The following AGTR1 variants were observed in gnomAD, a reference collection of about 807,000 sequenced individuals.
The protein encoded by AGTR1 is type-1 angiotensin II receptor.
Under a neutral mutation model 19.4 loss-of-function variants are expected in AGTR1, and 16 were observed. The ratio of observed to expected loss-of-function variants is 0.82; its 90% CI spans 0.56 to 1.25. The LOEUF is 1.25. Among genes scored for constraint, AGTR1 ranks in the 50% most tolerant of loss-of-function variants. The pLI, the probability that AGTR1 is intolerant of heterozygous loss-of-function variation, is 0.00. For missense variants in AGTR1, 373 were observed against 431.9 expected (o/e 0.86, Z 1.21); for synonymous variants, 153 against 154.9 (o/e 0.99, Z 0.09).
At chr3:148,739,416 G>C (rs1161905949) in intron 2 of AGTR1, among the ~76,000 whole-genome samples, 3 of 151,400 alleles carry the variant, frequency 2.0e-5, no homozygotes, top group Non-Finnish European at 1.5e-5. Flanking sequence ...GCTCAAAAAA[G>C]TTGGGAAGGC....
intron 2 of AGTR1, chr3:148,730,379 TCCAC>T: frequency 2.6e-6 from 1 of 388,314 alleles, no homozygotes. Flanking sequence ...AGGTGGGTAT[TCCAC>T]CCTACCTGAA....
At chr3:148,721,655 T>C (rs1713642413) in intron 2 of AGTR1, among the ~76,000 whole-genome samples, 1 of 152,046 alleles carries the variant, frequency 6.6e-6, no homozygotes, top group African/African-American at 2.4e-5. Flanking sequence ...CAGGCAGAAC[T>C]CGAGGTCCTC....
intron 2 of AGTR1, among the ~76,000 whole-genome samples, chr3:148,713,099 G>A (rs1434619812): frequency 2.0e-5 from 3 of 152,092 alleles, no homozygotes; most frequent in Non-Finnish European, 4.4e-5. Flanking sequence ...AACAATAAAT[G>A]TGGATACATT....
At chr3:148,702,268 C>A (rs1712393913) in intron 1 of AGTR1, among the ~76,000 whole-genome samples, 1 of 152,152 alleles carries the variant, frequency 6.6e-6, no homozygotes, top group Non-Finnish European at 1.5e-5. Flanking sequence ...TGAGCCACCT[C>A]ACCTGGCCTG....
chr3:148,713,986 AG>A (rs1486974938), intron 2 of AGTR1, among the ~76,000 whole-genome samples: 2 of 152,170 alleles, frequency 1.3e-5, no homozygotes, highest in African/African-American at 4.8e-5. Flanking sequence ...AACAGTTATG[AG>A]GTAACTTAAA....
intron 2 of AGTR1, among the ~76,000 whole-genome samples, chr3:148,740,272 T>C (rs1714795489): frequency 2.0e-5 from 3 of 152,192 alleles, no homozygotes; most frequent in African/African-American, 7.2e-5. Context: ...ACTTCAGAAA[T>C]GGCTGGCAGG....
At chr3:148,699,749 T>C (rs1712211264) in intron 1 of AGTR1, among the ~76,000 whole-genome samples, 1 of 152,190 alleles carries the variant, frequency 6.6e-6, no homozygotes, top group African/African-American at 2.4e-5. Context: ...GGTCTCAACA[T>C]TTGCTTAAGT....
At chr3:148,740,477 C>T (rs547825980) in intron 2 of AGTR1, among the ~76,000 whole-genome samples, 7 of 152,264 alleles carry the variant, frequency 4.6e-5, no homozygotes, top group Admixed American at 1.3e-4. Context: ...CTATCCTGAC[C>T]ACTTAAGGGA....
intron 2 of AGTR1, among the ~76,000 whole-genome samples, chr3:148,712,243 A>C (rs1410521579): frequency 6.6e-6 from 1 of 152,112 alleles, no homozygotes; most frequent in Non-Finnish European, 1.5e-5. Context: ...AGAAAGATCT[A>C]GTATATCTCA....
intron 2 of AGTR1, among the ~76,000 whole-genome samples, chr3:148,712,507 G>A (rs12695880): frequency 2.6e-5 from 4 of 152,108 alleles, no homozygotes; most frequent in Admixed American, 6.6e-5. Context: ...AACCAGTCAG[G>A]GGGTAAGAGC....
intron 2 of AGTR1, among the ~76,000 whole-genome samples, chr3:148,738,307 T>C (rs1196432989): frequency 1.3e-5 from 2 of 152,128 alleles, no homozygotes. Flanking sequence ...TTTTCAGTTA[T>C]GGAGTTCACT....
chr3:148,739,202 TAAAA>T (rs1207109166), intron 2 of AGTR1, among the ~76,000 whole-genome samples: 1 of 151,802 alleles, frequency 6.6e-6, no homozygotes, highest in Non-Finnish European at 1.5e-5. Context: ...CTACTAAAAA[TAAAA>T]AAATTAGCTG....
chr3:148,730,016 C>A (rs1238681593), intron 2 of AGTR1: 2 of 377,056 alleles, frequency 5.3e-6, no homozygotes, highest in African/African-American at 4.2e-5. Flanking sequence ...ACAGTGTGAA[C>A]TTAATAACAC....
At chr3:148,727,730 T>C (rs895849516) in intron 2 of AGTR1, among the ~76,000 whole-genome samples, 2 of 152,198 alleles carry the variant, frequency 1.3e-5, no homozygotes, top group African/African-American at 4.8e-5. Flanking sequence ...CCAATAGGAT[T>C]TTATCTTTTG....
At chr3:148,717,752 A>T (rs1713383055) in intron 2 of AGTR1, among the ~76,000 whole-genome samples, 2 of 152,220 alleles carry the variant, frequency 1.3e-5, no homozygotes, top group Non-Finnish European at 2.9e-5. Context: ...GAAATGAAGA[A>T]AAACTTAATT....
At chr3:148,738,852 A>G (rs1023357071) in intron 2 of AGTR1, among the ~76,000 whole-genome samples, 1 of 152,212 alleles carries the variant, frequency 6.6e-6, no homozygotes, top group African/African-American at 2.4e-5. Flanking sequence ...TCGATACACT[A>G]TATTCATGGC....
intron 1 of AGTR1, among the ~76,000 whole-genome samples, chr3:148,701,361 G>T (rs999829001): frequency 2.6e-5 from 4 of 152,050 alleles, no homozygotes; most frequent in Non-Finnish European, 4.4e-5. Flanking sequence ...ATTTGCTATG[G>T]GATTTTTCTT....
chr3:148,706,158 G>A lies in AGTR1; in HGVS notation c.-131-1786G>A, dbSNP rs183112234. Among the ~76,000 whole-genome samples the A allele has an allele frequency of 3.2e-4, 49 of 151,808 alleles. No homozygotes were observed. The East Asian group carries it at 8.7e-3, about 27-fold the overall frequency. On this transcript the variant is annotated intron_variant, in intron 1 of 2. Transcript: ENST00000349243. Reference sequence around the variant, plus strand: ...AATTCACTCTAGATTTTAGGTACTAGACAACTACTATTAACTCTCTGGAGA... The same window carrying A: ...AATTCACTCTAGATTTTAGGTACTAAACAACTACTATTAACTCTCTGGAGA...
chr3:148,700,013 C>T (rs1241021706), intron 1 of AGTR1, among the ~76,000 whole-genome samples: 2 of 152,166 alleles, frequency 1.3e-5, no homozygotes, highest in East Asian at 3.9e-4. Flanking sequence ...ACAGGTGCTG[C>T]GGCAATGCTG....
Sources: allele counts gnomAD v4.1 joint callset (sites outside exome capture counted in the v4.1 genomes callset), GRCh38; gene constraint gnomAD v4.1.1; transcripts MANE v1.5; gene names NCBI Gene and HGNC (gene_info 2026-07-23, HGNC 2026-07-21).